TOX: variants seen among roughly 807,000 people sequenced by gnomAD.
The protein encoded by TOX is thymocyte selection associated high mobility group box.
In TOX, 11 loss-of-function variants were observed where a neutral mutation model predicts 53.7. The ratio of observed to expected loss-of-function variants is 0.20; its 90% CI spans 0.13 to 0.34. The LOEUF is 0.34. TOX is among the 10% of genes least tolerant of loss of function. The probability of loss-of-function intolerance (pLI) is 1.00; values close to 1 mark genes in which losing one functional copy is unlikely to be tolerated. For synonymous variants in TOX, 225 were observed against 245.3 expected, an observed-to-expected ratio of 0.92 and a Z score of 0.77; for missense variants, 570 against 664.6, an observed-to-expected ratio of 0.86 and a Z score of 1.56.
intron 1 of TOX, among the ~76,000 whole-genome samples, chr8:59,063,971 G>A (rs968681266): frequency 2.0e-5 from 3 of 151,920 alleles, no homozygotes; most frequent in Non-Finnish European, 4.4e-5. Context: ...TACCTTCCTC[G>A]AGGACCAATG....
At chr8:59,023,812 C>T (rs1448046184) in intron 1 of TOX, among the ~76,000 whole-genome samples, 1 of 152,030 alleles carries the variant, frequency 6.6e-6, no homozygotes, top group South Asian at 2.1e-4. Flanking sequence ...AATGTCATAC[C>T]CTAAAATGAT....
intron 1 of TOX, among the ~76,000 whole-genome samples, chr8:58,983,967 G>T (rs1047797752): frequency 1.3e-5 from 2 of 152,176 alleles, no homozygotes; most frequent in African/African-American, 4.8e-5. Flanking sequence ...CCTGTACTAG[G>T]GTGAGGCATA....
intron 3 of TOX, among the ~76,000 whole-genome samples, chr8:58,899,557 G>T (rs1293111756): frequency 6.6e-6 from 1 of 152,030 alleles, no homozygotes; most frequent in Non-Finnish European, 1.5e-5. Flanking sequence ...GATTATTTCT[G>T]GTCCAAAATA....
At chr8:58,881,976 T>A (rs1811391548) in intron 3 of TOX, among the ~76,000 whole-genome samples, 1 of 152,238 alleles carries the variant, frequency 6.6e-6, no homozygotes, top group African/African-American at 2.4e-5. Context: ...GCCTTTGCGG[T>A]AACTTTACTA....
intron 1 of TOX, among the ~76,000 whole-genome samples, chr8:58,996,986 C>T (rs755828286): frequency 6.6e-6 from 1 of 152,158 alleles, no homozygotes; most frequent in South Asian, 2.1e-4. Flanking sequence ...TGATTTCCTA[C>T]CTAAGTAGTT....
intron 4 of TOX, among the ~76,000 whole-genome samples, chr8:58,844,011 A>G (rs907904935): frequency 6.6e-6 from 1 of 152,228 alleles, no homozygotes; most frequent in African/African-American, 2.4e-5. Context: ...ACTGTGGTAG[A>G]AAAATTAGCT....
intron 1 of TOX, among the ~76,000 whole-genome samples, chr8:58,965,801 C>T (rs1375101547): frequency 6.8e-6 from 1 of 147,960 alleles, no homozygotes; most frequent in Non-Finnish European, 1.5e-5. Flanking sequence ...TTAGATGATG[C>T]ATTATAATAA....
intron 1 of TOX, among the ~76,000 whole-genome samples, chr8:58,960,945 C>G (rs578248661): frequency 6.6e-6 from 1 of 152,286 alleles, no homozygotes; most frequent in South Asian, 2.1e-4. Context: ...CTTCACAGAG[C>G]TGGGTCTGAA....
At chr8:58,892,380 C>T (rs1369118039) in intron 3 of TOX, among the ~76,000 whole-genome samples, 2 of 152,260 alleles carry the variant, frequency 1.3e-5, no homozygotes, top group East Asian at 3.9e-4. Context: ...AACTGCCTTT[C>T]CTGGTGGCTT....
At chr8:59,040,055 C>A (rs569021691) in intron 1 of TOX, among the ~76,000 whole-genome samples, 18 of 152,260 alleles carry the variant, frequency 1.2e-4, no homozygotes, top group Admixed American at 5.2e-4. Context: ...ATCGGCCGGG[C>A]GCGGCGGCTC....
intron 7 of TOX, among the ~76,000 whole-genome samples, chr8:58,811,628 C>A (rs1810077622): frequency 1.3e-5 from 2 of 152,040 alleles, no homozygotes; most frequent in Non-Finnish European, 1.5e-5. Context: ...TTTTTTAAAC[C>A]TTTAAATTAC....
At chr8:58,937,863 T>C (rs577043976) in intron 3 of TOX, among the ~76,000 whole-genome samples, 3 of 152,232 alleles carry the variant, frequency 2.0e-5, no homozygotes, top group Admixed American at 1.3e-4. Flanking sequence ...GGCTCATGAA[T>C]TGGGTCTGAA....
intron 3 of TOX, among the ~76,000 whole-genome samples, chr8:58,881,012 G>C (rs990710309): frequency 1.3e-5 from 2 of 151,918 alleles, no homozygotes; most frequent in Non-Finnish European, 2.9e-5. Context: ...CATTGTCCTG[G>C]TATCTGGGGT....
At chr8:59,060,692 G>A (rs911686119) in intron 1 of TOX, among the ~76,000 whole-genome samples, 3 of 152,088 alleles carry the variant, frequency 2.0e-5, no homozygotes, top group East Asian at 3.8e-4. Flanking sequence ...AGTACTAATA[G>A]CCAATGTTTG....
intron 1 of TOX, among the ~76,000 whole-genome samples, chr8:59,040,307 C>T (rs371238711): frequency 1.7e-5 from 2 of 119,472 alleles, no homozygotes; most frequent in Admixed American, 1.2e-4. Context: ...CCAGCCTGGG[C>T]GACAGAGCGA....
rs1176831848 is a variant in TOX, at chr8:58,909,469, T to C, written c.411+29833A>G. On this transcript the variant is annotated intron_variant, in intron 3 of 8. Coordinates refer to ENST00000361421, the MANE Select transcript of TOX (RefSeq NM_014729.3). ...AAACAAGATCACTTGGTGATTTGTA[T>C]GGACATTAAAATTTGAAAAGCAACC... 3.3e-5 allele frequency among the ~76,000 whole-genome samples: 5 copies of C among 152,192 alleles called. No homozygotes were observed. In the South Asian group the frequency reaches 1.0e-3, roughly 32 times the overall value.
chr8:59,032,263 GT>G (rs1162003044), intron 1 of TOX, among the ~76,000 whole-genome samples: 1 of 152,168 alleles, frequency 6.6e-6, no homozygotes, highest in African/African-American at 2.4e-5. Context: ...AAAGTCTAGA[GT>G]TCTCTTACGG....
At chr8:59,098,510 T>C (rs1293622196) in intron 1 of TOX, among the ~76,000 whole-genome samples, 2 of 152,044 alleles carry the variant, frequency 1.3e-5, no homozygotes, top group Non-Finnish European at 2.9e-5. Context: ...GTGTGAAAGA[T>C]GGAGCCGGCT....
chr8:58,883,421 A>G (rs1335027717), intron 3 of TOX, among the ~76,000 whole-genome samples: 2 of 152,226 alleles, frequency 1.3e-5, no homozygotes, highest in African/African-American at 4.8e-5. Context: ...ATACATTCAA[A>G]TCAACTGATT....
Sources: allele counts gnomAD v4.1 joint callset (sites outside exome capture counted in the v4.1 genomes callset), GRCh38; gene constraint gnomAD v4.1.1; transcripts MANE v1.5; gene names NCBI Gene and HGNC (gene_info 2026-07-23, HGNC 2026-07-21).